Variants in ATG5 observed in about 807,000 individuals in gnomAD.
ATG5 encodes autophagy related 5.
ATG5 carries 14 observed loss-of-function variants against 36.5 expected under a neutral mutation model. The observed-to-expected ratio is 0.38, with a 90% CI of 0.25 to 0.60. ATG5 has a LOEUF of 0.60. ATG5 is among the 20% of genes least tolerant of loss of function. The pLI is 0.60. For missense variants in ATG5, 195 were observed against 326.7 expected, an observed-to-expected ratio of 0.60 and a Z score of 3.11; for synonymous variants, 95 against 101.5, an observed-to-expected ratio of 0.94 and a Z score of 0.38.
At chr6:106,265,192 G>A (rs547593806) in intron 5 of ATG5, among the ~76,000 whole-genome samples, 106 of 149,878 alleles carry the variant, frequency 7.1e-4, no homozygotes, top group African/African-American at 2.4e-3. Context: ...AAAAAAGCAG[G>A]GGTTGCAATC....
At chr6:106,293,944 TAG>T (rs112770191) in intron 3 of ATG5, among the ~76,000 whole-genome samples, 17,161 of 152,042 alleles carry the variant, frequency 0.11, 1,059 homozygotes, top group African/African-American at 0.16. Flanking sequence ...TGCTTGGGAT[TAG>T]AGAAGTGTTT....
intron 6 of ATG5, among the ~76,000 whole-genome samples, chr6:106,206,909 T>C (rs1023440128): frequency 6.6e-6 from 1 of 152,220 alleles, no homozygotes; most frequent in Middle Eastern, 3.2e-3. Context: ...ATAGGAATGC[T>C]GTAAACGTTG....
intron 6 of ATG5, among the ~76,000 whole-genome samples, chr6:106,241,072 G>C (rs940962725): frequency 1.3e-5 from 2 of 152,190 alleles, no homozygotes; most frequent in African/African-American, 4.8e-5. Flanking sequence ...AGAATCACTT[G>C]AGCCTGGGAG....
intron 1 of ATG5, among the ~76,000 whole-genome samples, chr6:106,323,636 C>T (rs1368863323): frequency 2.6e-5 from 4 of 152,098 alleles, no homozygotes; most frequent in Non-Finnish European, 5.9e-5. Flanking sequence ...CTGGTCATTT[C>T]GCACTACCGC....
chr6:106,305,832 A>G (rs1199446846), intron 3 of ATG5, among the ~76,000 whole-genome samples: 3 of 152,234 alleles, frequency 2.0e-5, no homozygotes, highest in Non-Finnish European at 2.9e-5. Context: ...ATTTCCAGGA[A>G]GATACATTTT....
In ATG5 at chr6:106,303,625, T is replaced by C. The variant is rs1770301140; in HGVS notation, c.236+4739A>G. Among the ~76,000 whole-genome samples the C allele has an allele frequency of 2.6e-5, 4 of 152,276 alleles. No individual in the cohort carries two copies. In the South Asian group the frequency reaches 6.2e-4, roughly 24 times the overall value. ...AAAAAACAGAAAACTACAATCCCTC[T>C]TATGAACATAAGACACAAAAATCCT... On this transcript the variant is annotated intron_variant, in intron 3 of 7. Transcript: ENST00000369076.
chr6:106,309,311 T>C (rs1429920422), intron 2 of ATG5, among the ~76,000 whole-genome samples: 4 of 152,156 alleles, frequency 2.6e-5, no homozygotes, highest in Non-Finnish European at 5.9e-5. Context: ...AGCTGACAAA[T>C]ATATACAGAA....
intron 7 of ATG5, among the ~76,000 whole-genome samples, chr6:106,200,402 T>G (rs1427343082): frequency 1.3e-5 from 2 of 152,212 alleles, no homozygotes; most frequent in Admixed American, 1.3e-4. Flanking sequence ...TATATACTAA[T>G]GCATTACCTG....
At chr6:106,268,822 A>G (rs1339391135) in intron 5 of ATG5, among the ~76,000 whole-genome samples, 1 of 152,098 alleles carries the variant, frequency 6.6e-6, no homozygotes, top group Non-Finnish European at 1.5e-5. Context: ...TGGGAGCTGA[A>G]CAACAAGAAC....
At chr6:106,223,321 A>AC (rs1451701031) in intron 6 of ATG5, among the ~76,000 whole-genome samples, 1 of 152,204 alleles carries the variant, frequency 6.6e-6, no homozygotes, top group South Asian at 2.1e-4. Context: ...GAAAATAGAA[A>AC]TGTAATTTTA....
chr6:106,233,892 G>C (rs113782666), intron 6 of ATG5, among the ~76,000 whole-genome samples: 2 of 151,972 alleles, frequency 1.3e-5, no homozygotes, highest in South Asian at 4.2e-4. Flanking sequence ...TGAAGAATGC[G>C]GCTTCCCAGA....
intron 6 of ATG5, among the ~76,000 whole-genome samples, chr6:106,207,040 T>C (rs932214107): frequency 2.0e-5 from 3 of 152,196 alleles, no homozygotes; most frequent in African/African-American, 7.2e-5. Context: ...TTGCCACATA[T>C]TTGTAAATAT....
chr6:106,262,572 T>C (rs1209512417), intron 5 of ATG5, among the ~76,000 whole-genome samples: 1 of 152,036 alleles, frequency 6.6e-6, no homozygotes, highest in Non-Finnish European at 1.5e-5. Flanking sequence ...ATAAGATGGC[T>C]GAATAGGAAA....
chr6:106,228,875 G>T (rs906261203), intron 6 of ATG5, among the ~76,000 whole-genome samples: 1 of 152,022 alleles, frequency 6.6e-6, no homozygotes, highest in African/African-American at 2.4e-5. Context: ...TGGGAACCTT[G>T]GTCTGCCTGG....
chr6:106,307,718 TA>T (rs1770502589), intron 3 of ATG5, among the ~76,000 whole-genome samples: 1 of 152,058 alleles, frequency 6.6e-6, no homozygotes, highest in Non-Finnish European at 1.5e-5. Context: ...GTATTTTTAG[TA>T]GAGATGGGGT....
At chr6:106,304,845 A>G (rs1287185589) in intron 3 of ATG5, among the ~76,000 whole-genome samples, 1 of 152,208 alleles carries the variant, frequency 6.6e-6, no homozygotes, top group Admixed American at 6.5e-5. Flanking sequence ...TAATCCCAGC[A>G]CTTTGGGAGG....
chr6:106,267,721 C>A (rs1314350998), intron 5 of ATG5, among the ~76,000 whole-genome samples: 1 of 152,084 alleles, frequency 6.6e-6, no homozygotes, highest in African/African-American at 2.4e-5. Context: ...ACAAACCAGA[C>A]AAAAACAAGC....
intron 6 of ATG5, among the ~76,000 whole-genome samples, chr6:106,220,941 G>A (rs1360115822): frequency 6.6e-6 from 1 of 152,174 alleles, no homozygotes. Context: ...ATGACATAAA[G>A]AAACCAATAT....
chr6:106,315,657 A>G (rs1313840313), intron 2 of ATG5, among the ~76,000 whole-genome samples: 1 of 152,184 alleles, frequency 6.6e-6, no homozygotes, highest in African/African-American at 2.4e-5. Flanking sequence ...CTATAAAAAC[A>G]CTTTTAACAA....
Sources: gnomAD v4.1 joint callset for allele counts (sites outside exome capture counted in the v4.1 genomes callset) on GRCh38, gnomAD v4.1.1 for gene constraint, MANE v1.5 for transcripts, NCBI Gene and HGNC (gene_info 2026-07-23, HGNC 2026-07-21) for gene names.